IKBIP: variants seen among roughly 807,000 people sequenced by gnomAD.
IKBIP encodes inhibitor of nuclear factor kappa-B kinase-interacting protein.
IKBIP carries 28 observed loss-of-function variants against 31.0 expected under a neutral mutation model. That is an observed-to-expected ratio of 0.90 (90% CI 0.67 to 1.24). The LOEUF is 1.24. Ranked by LOEUF, IKBIP falls within the 50% of genes most tolerant of loss-of-function variation. The pLI is 0.00. For synonymous variants in IKBIP, 164 were observed against 160.3 expected, an observed-to-expected ratio of 1.02 and a Z score of -0.17; for missense variants, 453 against 441.9, an observed-to-expected ratio of 1.03 and a Z score of -0.23.
At chr12:98,619,851 G>A (rs1337295718), downstream of IKBIP, among the ~76,000 whole-genome samples, 5 of 137,348 alleles carry the variant, frequency 3.6e-5, no homozygotes, top group Non-Finnish European at 7.6e-5. Flanking sequence ...CAGTCTGGGC[G>A]ACAGAACCAG....
chr12:98,634,529 TG>T (rs1286227035), intron 1 of IKBIP, 116 bp from the exon 2 acceptor site: 1 of 554,658 alleles, frequency 1.8e-6, no homozygotes, highest in Non-Finnish European at 3.2e-6. Context: ...TATGGGTAGC[TG>T]TAGGTTTTTT....
intron 2 of IKBIP, among the ~76,000 whole-genome samples, chr12:98,631,918 T>G (rs7958706): frequency 6.6e-6 from 1 of 151,428 alleles, no homozygotes; most frequent in African/African-American, 2.4e-5. Flanking sequence ...CACAATGGCG[T>G]GATCTCAGCT....
intron 1 of IKBIP, among the ~76,000 whole-genome samples, chr12:98,639,954 T>G (rs552297291): frequency 6.6e-6 from 1 of 152,284 alleles, no homozygotes; most frequent in East Asian, 1.9e-4. Flanking sequence ...ATTATACCCT[T>G]GTCTTTTAGA....
rs566667945 is a variant in IKBIP at position 98,624,350 on chromosome 12, T to C, written c.*1580A>G. The C allele has an allele frequency of 2.0e-6, 2 of 985,140 alleles. No individual in the cohort carries two copies. The highest frequency in any genetic ancestry group is 6.1e-5 in the Admixed American group (1 of 16,270). 61.0% of individuals were successfully genotyped at this position (985,140 alleles called of 1,614,324 possible). On this transcript the variant is annotated 3_prime_UTR_variant, in exon 3 of 3. Transcript: ENST00000299157. Reference sequence around the variant, plus strand: ...ACATTCAGAAGTCAAGAAGTGTAATTTTAAGACTGCAAAAATTAATGCTAT... The same window carrying C: ...ACATTCAGAAGTCAAGAAGTGTAATCTTAAGACTGCAAAAATTAATGCTAT...
rs1480376038 is a variant in IKBIP, at chr12:98,625,278, T to C, written c.*652A>G. 1.0e-6 allele frequency: 1 copy of C among 982,898 alleles called. No homozygotes were observed. Among genetic ancestry groups the C allele is most frequent in the Non-Finnish European group, 1.2e-6 (1 of 827,714 alleles). The allele number at this position is 982,898 out of a possible 1,614,324, so 60.9% of individuals were successfully genotyped here. A position where few individuals can be genotyped will look rare whatever the true frequency, so the allele number is the denominator to read the frequency against. On this transcript the variant is annotated 3_prime_UTR_variant, in exon 3 of 3. Transcript: ENST00000299157. ...ATTTTAAAAGTCTTACAAGTATCTGTAACACAGTTTAGAACCTTAACAAAA... is the reference window on the plus strand; with the variant it reads ...ATTTTAAAAGTCTTACAAGTATCTGCAACACAGTTTAGAACCTTAACAAAA...
chr12:98,642,942 T>C (rs2097631935), intron 1 of IKBIP, among the ~76,000 whole-genome samples: 1 of 150,642 alleles, frequency 6.6e-6, no homozygotes, highest in African/African-American at 2.5e-5. Context: ...ATCACTTTAT[T>C]GTGACAAAAT....
At chr12:98,623,889 A>AAAT (rs2097611989), downstream of IKBIP, among the ~76,000 whole-genome samples, 1 of 151,228 alleles carries the variant, frequency 6.6e-6, no homozygotes, top group African/African-American at 2.5e-5. Flanking sequence ...AGAGAAAGAC[A>AAAT]AATTAAGTAC....
At chr12:98,633,490 C>T (rs10860355) in intron 2 of IKBIP, among the ~76,000 whole-genome samples, 44,399 of 143,108 alleles carry the variant, frequency 0.31, 7,740 homozygotes, top group East Asian at 0.52. Flanking sequence ...TTTAGGCTAG[C>T]CGTTCTTTTT....
exon 3 of IKBIP, chr12:98,613,682 ATTTCTTTCTCTCTTTGTAGTAAGT>A (rs772859958): frequency 6.2e-7 from 1 of 1,603,936 alleles, no homozygotes; most frequent in African/African-American, 1.3e-5. Context: ...TAAGAAAGCA[ATTTCTTTCTCTCTTTGTAGTAAGT>A]CGGTAACCAA....
intron 1 of IKBIP, among the ~76,000 whole-genome samples, chr12:98,639,869 C>T (rs1158588603): frequency 6.6e-6 from 1 of 152,190 alleles, no homozygotes; most frequent in African/African-American, 2.4e-5. Flanking sequence ...CCATCTATAG[C>T]CTCAGTTTTA....
At chr12:98,617,675 T>C (rs1428824033) in intron 2 of IKBIP, among the ~76,000 whole-genome samples, 1 of 152,200 alleles carries the variant, frequency 6.6e-6, no homozygotes, top group Non-Finnish European at 1.5e-5. Flanking sequence ...ACTATTTAGC[T>C]TCAATCAGAA....
chr12:98,640,925 C>T (rs563510044), intron 1 of IKBIP, among the ~76,000 whole-genome samples: 52 of 152,186 alleles, frequency 3.4e-4, no homozygotes, highest in Non-Finnish European at 6.2e-4. Context: ...CCATGCCTGG[C>T]TAATTTTTTG....
At chr12:98,641,978 A>C (rs1006190600) in intron 1 of IKBIP, among the ~76,000 whole-genome samples, 1 of 152,178 alleles carries the variant, frequency 6.6e-6, no homozygotes, top group African/African-American at 2.4e-5. Context: ...TTGATATAGC[A>C]TTGTGTTATC....
chr12:98,614,922 T>G (rs1399318487), intron 2 of IKBIP, among the ~76,000 whole-genome samples: 2 of 152,342 alleles, frequency 1.3e-5, no homozygotes, highest in East Asian at 3.9e-4. Context: ...ATTGGTCTTC[T>G]GTACAGTAAT....
At position 98,644,771 on chromosome 12, in the gene IKBIP, G is replaced by A. The variant is rs2289315; in HGVS notation, c.-70C>T. 53,429 of 1,528,072 alleles carry A rather than the reference G, an allele frequency of 0.035. 1,453 individuals are homozygous for A. The highest frequency in any genetic ancestry group is 0.18 in the East Asian group (7,420 of 42,296). The allele number at this position is 1,528,072 out of a possible 1,614,324, so 94.7% of individuals were successfully genotyped here. A position where few individuals can be genotyped will look rare whatever the true frequency, so the allele number is the denominator to read the frequency against. On this transcript the variant is annotated 5_prime_UTR_variant, in exon 1 of 3. Transcript: ENST00000299157. ...AGGGGGAGCAGGACGTGGCCGCCTTGGCGTTCGTGGGAACCCTGGGCGGTG... is the reference window on the plus strand; with the variant it reads ...AGGGGGAGCAGGACGTGGCCGCCTTAGCGTTCGTGGGAACCCTGGGCGGTG...
At position 98,626,285 on chromosome 12, in the gene IKBIP, G is replaced by T. The variant is rs1297423905; in HGVS notation, c.779C>A (p.Ser260Tyr). The change falls in exon 3 of 3, where the codon TCC (serine) becomes TAC (tyrosine). Residue 260 changes from serine to tyrosine, a missense_variant. Ser to Tyr is a moderately radical substitution (Grantham distance 144). Transcript: ENST00000299157. ...ARDEDLTNKLSDYEPKVEECK... is the reference protein window; with the variant it reads ...ARDEDLTNKLYDYEPKVEECK... ...TTCTTCAACTTTGGGTTCGTAGTCG[G>T]AAAGTTTATTAGTCAGATCTTCATC... 6.2e-7 allele frequency: 1 copy of T among 1,614,132 alleles called. No individual in the cohort carries two copies. Among genetic ancestry groups the T allele is most frequent in the Non-Finnish European group, 8.5e-7 (1 of 1,180,014 alleles).
chr12:98,624,971 AT>A lies in IKBIP; in HGVS notation c.*958del, dbSNP rs1049586755. 9.1e-6 allele frequency: 3 copies of A among 329,910 alleles called. No homozygotes were observed. Among genetic ancestry groups the A allele is most frequent in the Non-Finnish European group, 8.7e-6 (2 of 231,050 alleles). The allele number at this position is 329,910 out of a possible 1,614,324, so 20.4% of individuals were successfully genotyped here. A position where few individuals can be genotyped will look rare whatever the true frequency, so the allele number is the denominator to read the frequency against. ...AGGCACCCACCACCACGCCTGGCTA[AT>A]TTTTTGTATTTTTTAGTAGAGACAG... On this transcript the variant is annotated 3_prime_UTR_variant, in exon 3 of 3. Coordinates refer to ENST00000299157, the MANE Select transcript of IKBIP (RefSeq NM_153687.4).
chr12:98,638,287 A>G (rs1430900090), intron 1 of IKBIP, among the ~76,000 whole-genome samples: 1 of 151,958 alleles, frequency 6.6e-6, no homozygotes, highest in Non-Finnish European at 1.5e-5. Flanking sequence ...ATAATACCTT[A>G]TTTTAATCTT....
At chr12:98,634,501 G>C in intron 1 of IKBIP, 88 bp from the exon 2 acceptor site, 6 of 553,964 alleles carry the variant, frequency 1.1e-5, no homozygotes, top group Non-Finnish European at 1.3e-5. Flanking sequence ...CTTCTGTTAA[G>C]AACAACATAA....
Sources: allele counts gnomAD v4.1 joint callset (sites outside exome capture counted in the v4.1 genomes callset), GRCh38; gene constraint gnomAD v4.1.1; transcripts MANE v1.5; gene names NCBI Gene and HGNC (gene_info 2026-07-23, HGNC 2026-07-21).